Variants in DOP1A observed in about 807,000 individuals in gnomAD.
DOP1A encodes the protein protein DOP1A.
In DOP1A, 90 loss-of-function variants were observed where a neutral mutation model predicts 267.6. That is an observed-to-expected ratio of 0.34 (90% CI 0.28 to 0.40). DOP1A has a LOEUF of 0.40. Ranked by LOEUF, DOP1A falls within the 10% of genes least tolerant of loss-of-function variation. The pLI, the probability that DOP1A is intolerant of heterozygous loss-of-function variation, is 1.00. For synonymous variants in DOP1A, 932 were observed against 999.1 expected (o/e 0.93, Z 1.27); for missense variants, 2,437 against 2,900.4 (o/e 0.84, Z 3.67).
chr6:83,149,018 A>AG (rs1431298291), intron 27 of DOP1A, among the ~76,000 whole-genome samples, 155 bp downstream of exon 27: 1 of 152,058 alleles, frequency 6.6e-6, no homozygotes, highest in Non-Finnish European at 1.5e-5. Context: ...GGCCTGTTTA[A>AG]GAAAAAAAAA....
chr6:83,166,007 T>A (rs1040381331), intron 38 of DOP1A: 3 of 303,300 alleles, frequency 9.9e-6, no homozygotes, highest in African/African-American at 6.5e-5. Context: ...CTTTGGAGCT[T>A]CTTTCAGTCC....
intron 38 of DOP1A, chr6:83,166,354 G>T (rs776661540): frequency 1.4e-6 from 1 of 696,220 alleles, no homozygotes; most frequent in South Asian, 1.5e-5. Context: ...CATCTTCAAG[G>T]CTCTAGTCTC....
At position 83,157,389 on chromosome 6, in the gene DOP1A, C is replaced by G. The variant is rs372260213; in HGVS notation, c.6741+71C>G. On this transcript the variant is annotated intron_variant, in intron 35 of 38. Transcript: ENST00000349129. ...ACAGTGATTAGTTTCCATGTGCTTA[C>G]TAGATATTAACGAATATTGGGAGAG... is the stretch of plus-strand genomic sequence containing the variant. 10 of 1,498,420 alleles carry G rather than the reference C, an allele frequency of 6.7e-6. No individual in the cohort carries two copies. In the South Asian group the frequency reaches 1.0e-4, roughly 16 times the overall value. The allele number at this position is 1,498,420 out of a possible 1,614,324, so 92.8% of individuals were successfully genotyped here.
At chr6:83,159,699 T>C (rs1240909276) in intron 36 of DOP1A, 97 bp from the exon 37 acceptor site, 11 of 1,349,206 alleles carry the variant, frequency 8.2e-6, no homozygotes, top group Non-Finnish European at 1.0e-5. Flanking sequence ...TATCTCAGGA[T>C]GATTATGAAA....
chr6:83,071,992 TCTC>T (rs1440560577), intron 1 of DOP1A, among the ~76,000 whole-genome samples: 3 of 152,104 alleles, frequency 2.0e-5, no homozygotes, highest in Non-Finnish European at 4.4e-5. Flanking sequence ...GTTAAAATAA[TCTC>T]CTATCTCCTT....
downstream of DOP1A, chr6:83,169,233 T>C (rs1786537844): frequency 1.5e-5 from 24 of 1,614,040 alleles, no homozygotes; most frequent in Non-Finnish European, 1.9e-5. Context: ...GAAAATTATC[T>C]TCAGAAACCT....
chr6:83,124,674 A>G (rs1189732318), intron 12 of DOP1A, 31 bp from the exon 13 acceptor site: 3 of 1,500,736 alleles, frequency 2.0e-6, no homozygotes, highest in South Asian at 2.3e-5. Flanking sequence ...ACTTGACAGT[A>G]TACTTAATAA....
intron 17 of DOP1A, among the ~76,000 whole-genome samples, chr6:83,131,637 T>C (rs796198558): frequency 6.6e-6 from 1 of 152,144 alleles, no homozygotes; most frequent in African/African-American, 2.4e-5. Flanking sequence ...ATCTGGGCCC[T>C]GCAGAAAACA....
At chr6:83,128,779 G>A in intron 15 of DOP1A, 108 bp from the exon 16 acceptor site, 1 of 1,286,526 alleles carries the variant, frequency 7.8e-7, no homozygotes. Context: ...AACAGAATGG[G>A]CAGATTAAGT....
At chr6:83,170,670 C>T (rs1442805291), downstream of DOP1A, 1 of 529,610 alleles carries the variant, frequency 1.9e-6, no homozygotes, top group East Asian at 3.0e-5. Context: ...TAAAGAATTA[C>T]CTTTGGCAAA....
At chr6:83,150,901 A>G (rs1166096325) in intron 27 of DOP1A, among the ~76,000 whole-genome samples, 2 of 152,196 alleles carry the variant, frequency 1.3e-5, no homozygotes, top group African/African-American at 4.8e-5. Context: ...ACATACCACT[A>G]TATCATTACA....
intron 7 of DOP1A, among the ~76,000 whole-genome samples, chr6:83,114,819 A>G (rs1775144565): frequency 6.6e-6 from 1 of 152,204 alleles, no homozygotes; most frequent in South Asian, 2.1e-4. Flanking sequence ...TATGGAAACA[A>G]TAGCTTCGTT....
intron 19 of DOP1A, 27 bp from the exon 20 acceptor site, chr6:83,135,592 T>C (rs1778761212): frequency 6.3e-7 from 1 of 1,591,070 alleles, no homozygotes; most frequent in South Asian, 1.1e-5. Flanking sequence ...TTTGGTTCTT[T>C]ATTTTAATTA....
At chr6:83,094,884 A>G (rs1056097922) in intron 1 of DOP1A, among the ~76,000 whole-genome samples, 1 of 151,984 alleles carries the variant, frequency 6.6e-6, no homozygotes, top group African/African-American at 2.4e-5. Context: ...GATGAAGTCC[A>G]ATTTATTTTT....
intron 33 of DOP1A, 34 bp downstream of exon 33, chr6:83,154,275 C>G (rs1782289056): frequency 6.3e-7 from 1 of 1,577,112 alleles, no homozygotes; most frequent in Admixed American, 1.7e-5. Flanking sequence ...CAAGTTCTTT[C>G]CTGTACATGG....
intron 1 of DOP1A, among the ~76,000 whole-genome samples, chr6:83,090,083 C>G (rs1328656217): frequency 1.3e-5 from 2 of 152,074 alleles, no homozygotes; most frequent in African/African-American, 2.4e-5. Context: ...ACTTACTACC[C>G]CTCTTAATTA....
In DOP1A at chr6:83,120,707, A is replaced by T; in HGVS notation, c.1015A>T (p.Asn339Tyr). The T allele has an allele frequency of 6.3e-7, 1 of 1,584,182 alleles. No individual in the cohort carries two copies. The highest frequency in any genetic ancestry group is 8.6e-7 in the Non-Finnish European group (1 of 1,158,064). Residue 339 changes from asparagine (N) to tyrosine (Y), a missense_variant, in exon 10 of 39, where the codon AAT (asparagine) becomes TAT (tyrosine). Asn to Tyr is a moderately radical substitution (Grantham distance 143, BLOSUM62 -2). Around this residue, in one of 9 missense-constraint regions of DOP1A, gnomAD observed 498 missense variants for 513.5 expected, o/e 0.97. Transcript: ENST00000349129. ...VQAMVGILQV[N>Y]GFGEENTLMQ... The stretch of plus-strand genomic sequence containing the variant: ...GGCAATGGTGGGAATCTTACAAGTG[A>T]ATGGATTTGGAGAAGAGAACACTCT...
Position 83,124,740 on chromosome 6 carries a change from G to A in DOP1A, c.1376G>A (p.Gly459Glu), listed in dbSNP as rs950467227. Reference sequence around the variant, plus strand: ...CATGTGAGACTTCAGATTGGACCTGGAGATAGTAATGACTCATCTGAATTA... The same window carrying A: ...CATGTGAGACTTCAGATTGGACCTGAAGATAGTAATGACTCATCTGAATTA... ...TLHVRLQIGP[G>E]DSNDSSELQL... Residue 459 changes from glycine to glutamate, a missense_variant, in exon 13 of 39, where the codon GGA becomes GAA. Around this residue, in one of 9 missense-constraint regions of DOP1A, gnomAD observed 498 missense variants for 513.5 expected, o/e 0.97. Coordinates refer to ENST00000349129, the MANE Select transcript of DOP1A (RefSeq NM_015018.4). 6.2e-7 allele frequency: 1 copy of A among 1,613,146 alleles called. No homozygotes were observed. The highest frequency in any genetic ancestry group is 8.5e-7 in the Non-Finnish European group (1 of 1,179,550).
At chr6:83,070,264 T>C (rs1312400930) in intron 1 of DOP1A, among the ~76,000 whole-genome samples, 2 of 152,166 alleles carry the variant, frequency 1.3e-5, no homozygotes, top group African/African-American at 4.8e-5. Context: ...AAAGCTAATA[T>C]TTTTTGTGTA....
Sources: gnomAD v4.1 joint callset for allele counts (sites outside exome capture counted in the v4.1 genomes callset) on GRCh38, gnomAD v4.1.1 for gene constraint, gnomAD v4.1.1 regional missense constraint, MANE v1.5 for transcripts, NCBI Gene and HGNC (gene_info 2026-07-23, HGNC 2026-07-21) for gene names.